Variants in CNGB3 observed in about 807,000 individuals in gnomAD.
CNGB3 encodes the protein cyclic nucleotide gated channel subunit beta 3.
Under a neutral mutation model 92.8 loss-of-function variants are expected in CNGB3, and 86 were observed. The ratio of observed to expected loss-of-function variants is 0.93; its 90% CI spans 0.78 to 1.11. The LOEUF (loss-of-function observed/expected upper bound fraction) is 1.11. CNGB3 is among the 50% of genes least tolerant of loss of function. CNGB3 has a pLI of 0.00. For synonymous variants in CNGB3, 333 were observed against 332.7 expected (o/e 1.00, Z -0.01); for missense variants, 1,026 against 956.8 (o/e 1.07, Z -0.95).
At chr8:86,582,614 A>G (rs747890096) in intron 15 of CNGB3, among the ~76,000 whole-genome samples, 17 of 152,222 alleles carry the variant, frequency 1.1e-4, no homozygotes, top group Admixed American at 1.3e-4. Flanking sequence ...AGAGAGAAAC[A>G]AGGATAAGAG....
At chr8:86,703,864 A>G (rs937910466) in intron 3 of CNGB3, 7 of 152,160 alleles carry the variant, frequency 4.6e-5, no homozygotes, top group Non-Finnish European at 1.0e-4. Context: ...TTATTTTGTG[A>G]TATTTTTCAA....
At chr8:86,720,696 A>G (rs936104125) in intron 3 of CNGB3, among the ~76,000 whole-genome samples, 3 of 152,064 alleles carry the variant, frequency 2.0e-5, no homozygotes, top group South Asian at 4.1e-4. Flanking sequence ...GTACTTGCGC[A>G]TGCATGTTTA....
intron 5 of CNGB3, 60 bp downstream of exon 5, chr8:86,667,959 C>T: frequency 6.3e-7 from 1 of 1,581,138 alleles, no homozygotes; most frequent in South Asian, 1.1e-5. Flanking sequence ...GACTTTGAGT[C>T]ACAGGGTTTC....
chr8:86,680,083 G>A (rs1331986517), intron 3 of CNGB3, among the ~76,000 whole-genome samples: 1 of 152,156 alleles, frequency 6.6e-6, no homozygotes, highest in Non-Finnish European at 1.5e-5. Context: ...CATTATGGAA[G>A]CTCAAGTGGA....
chr8:86,593,975 T>C, intron 15 of CNGB3: 1 of 471,592 alleles, frequency 2.1e-6, no homozygotes, highest in Non-Finnish European at 4.0e-6. Flanking sequence ...GAGCGAGAAC[T>C]TGTTGAACAT....
chr8:86,663,276 T>G (rs1245616021), intron 6 of CNGB3, among the ~76,000 whole-genome samples: 1 of 152,234 alleles, frequency 6.6e-6, no homozygotes, highest in Admixed American at 6.5e-5. Flanking sequence ...GGGCTGTGCA[T>G]GTGAGTGTCT....
At position 86,687,553 on chromosome 8, in the gene CNGB3, T is replaced by A. The variant is rs549108351; in HGVS notation, c.339-16455A>T. ...GGAGGAGCAGAGAATAGGGAGAAACTGTTCAATGTGTAAAAGATCTTACTT... is the reference window on the plus strand; with the variant it reads ...GGAGGAGCAGAGAATAGGGAGAAACAGTTCAATGTGTAAAAGATCTTACTT... On this transcript the variant is annotated intron_variant, in intron 3 of 17. Coordinates refer to ENST00000320005, the MANE Select transcript of CNGB3 (RefSeq NM_019098.5). Among the ~76,000 whole-genome samples, 25 of 152,180 alleles carry A rather than the reference T, an allele frequency of 1.6e-4. No individual in the cohort carries two copies. The South Asian group carries it at 4.1e-3, about 25-fold the overall frequency.
At chr8:86,683,877 T>C (rs1824131284) in intron 3 of CNGB3, among the ~76,000 whole-genome samples, 1 of 152,170 alleles carries the variant, frequency 6.6e-6, no homozygotes, top group Admixed American at 6.6e-5. Flanking sequence ...AACATAAAAC[T>C]ATATGTTTTA....
chr8:86,714,879 C>A (rs542768524), intron 3 of CNGB3, among the ~76,000 whole-genome samples: 86 of 152,204 alleles, frequency 5.7e-4, no homozygotes, highest in African/African-American at 2.0e-3. Context: ...CTTTCCCCCA[C>A]TTCCCTGGCA....
intron 15 of CNGB3, among the ~76,000 whole-genome samples, chr8:86,585,176 G>A (rs1251214755): frequency 6.6e-6 from 1 of 152,116 alleles, no homozygotes; most frequent in Non-Finnish European, 1.5e-5. Context: ...TTCAGGGACT[G>A]TGTAAGATAA....
intron 3 of CNGB3, among the ~76,000 whole-genome samples, chr8:86,715,555 G>T (rs1586033036): frequency 6.6e-6 from 1 of 151,958 alleles, no homozygotes; most frequent in Non-Finnish European, 1.5e-5. Context: ...GCAGCCCTTG[G>T]ATCCCAGATC....
At position 86,579,243 on chromosome 8, in the gene CNGB3, T is replaced by C. The variant is rs1164125628; in HGVS notation, c.1791A>G (p.Ala597=). The C allele has an allele frequency of 6.2e-7, 1 of 1,613,982 alleles. No individual in the cohort carries two copies. Among genetic ancestry groups the C allele is most frequent in the African/African-American group, 1.3e-5 (1 of 74,930 alleles). The part of the protein sequence containing the change: ...GSVFGEISLL[A]AGGGNRRTAN... Reference sequence around the variant, plus strand: ...CAGTTCGACGGTTTCCTCCTCCTGCTGCTAGAAGGCTGTAAGAGAGAAAAA... The same window carrying C: ...CAGTTCGACGGTTTCCTCCTCCTGCCGCTAGAAGGCTGTAAGAGAGAAAAA... The change falls in exon 16 of 18, where the codon GCA becomes GCG. Residue 597 remains alanine, a synonymous_variant. Coordinates refer to ENST00000320005, the MANE Select transcript of CNGB3 (RefSeq NM_019098.5).
intron 3 of CNGB3, among the ~76,000 whole-genome samples, chr8:86,689,022 T>C (rs1586017051): frequency 2.1e-4 from 1 of 4,720 alleles, no homozygotes. Context: ...TTTTAAATTC[T>C]TTTTTTTTTT....
At chr8:86,620,640 C>T (rs1299174756) in intron 13 of CNGB3, among the ~76,000 whole-genome samples, 3 of 152,124 alleles carry the variant, frequency 2.0e-5, no homozygotes, top group Non-Finnish European at 2.9e-5. Context: ...CCTTCTAGGT[C>T]CCACACCTGG....
chr8:86,663,830 C>T (rs1823690331), intron 6 of CNGB3, among the ~76,000 whole-genome samples: 1 of 152,190 alleles, frequency 6.6e-6, no homozygotes, highest in South Asian at 2.1e-4. Flanking sequence ...ATATTTGTAG[C>T]TTATGATAAT....
At chr8:86,667,157 A>C (rs1166870923) in intron 5 of CNGB3, 24 bp from the exon 6 acceptor site, 1 of 1,594,332 alleles carries the variant, frequency 6.3e-7, no homozygotes, top group South Asian at 1.1e-5. Context: ...AAGTGGTGAA[A>C]TCCAAATGAC....
At position 86,575,704 on chromosome 8, in the gene CNGB3, A is replaced by T. The variant is rs1255263145; in HGVS notation, c.*100T>A. On this transcript the variant is annotated 3_prime_UTR_variant, in exon 18 of 18. Transcript: ENST00000320005. Reference sequence around the variant, plus strand: ...CTAGGGATTTGCCTTTCGTTTCTCAAGGGTCCCAGCATGTCGTTTCCCCTC... The same window carrying T: ...CTAGGGATTTGCCTTTCGTTTCTCATGGGTCCCAGCATGTCGTTTCCCCTC... 1.9e-5 allele frequency: 20 copies of T among 1,063,774 alleles called. No homozygotes were observed. In the Admixed American group the frequency reaches 3.9e-4, roughly 21 times the overall value. 65.9% of individuals were successfully genotyped at this position (1,063,774 alleles called of 1,614,324 possible).
chr8:86,657,991 C>T (rs937926575), intron 6 of CNGB3: 18 of 546,580 alleles, frequency 3.3e-5, no homozygotes, highest in Middle Eastern at 3.0e-4. Context: ...GATGCAGCGA[C>T]GTTCCAGTTT....
chr8:86,717,640 CA>C (rs1292006688), intron 3 of CNGB3, among the ~76,000 whole-genome samples: 21 of 150,484 alleles, frequency 1.4e-4, no homozygotes, highest in Admixed American at 1.3e-3. Context: ...GGAAAACCAA[CA>C]AAGAAACAAT....
Sources: allele counts gnomAD v4.1 joint callset (sites outside exome capture counted in the v4.1 genomes callset), GRCh38; gene constraint gnomAD v4.1.1; transcripts MANE v1.5; gene names NCBI Gene and HGNC (gene_info 2026-07-23, HGNC 2026-07-21).